IL1RAPL1: variants seen among roughly 807,000 people sequenced by gnomAD.
IL1RAPL1 encodes the protein interleukin 1 receptor accessory protein like 1, also known as interleukin-1 receptor accessory protein-like 1.
IL1RAPL1 carries 3 observed loss-of-function variants against 48.4 expected under a neutral mutation model. The ratio of observed to expected loss-of-function variants is 0.06; its 90% CI spans 0.03 to 0.16. The LOEUF (loss-of-function observed/expected upper bound fraction) is 0.16. Among genes scored for constraint, IL1RAPL1 ranks in the 10% least tolerant of loss-of-function variants. The pLI, the probability that IL1RAPL1 is intolerant of heterozygous loss-of-function variation, is 1.00. For synonymous variants in IL1RAPL1, 185 were observed against 187.7 expected, an observed-to-expected ratio of 0.99 and a Z score of 0.12; for missense variants, 349 against 530.6, an observed-to-expected ratio of 0.66 and a Z score of 3.36.
chrX:29,949,224 T>C (rs1933270006), intron 9 of IL1RAPL1, among the ~76,000 whole-genome samples: 1 of 112,131 alleles, frequency 8.9e-6, no homozygotes, highest in Non-Finnish European at 1.9e-5. Flanking sequence ...GAGTTCTTAA[T>C]ATTTTAAATT....
At chrX:29,039,462 T>C (rs1009932903) in intron 2 of IL1RAPL1, among the ~76,000 whole-genome samples, 4 of 111,801 alleles carry the variant, frequency 3.6e-5, no homozygotes, top group African/African-American at 1.3e-4. Flanking sequence ...TTCTTCTTCC[T>C]GTAAAAACGG....
intron 5 of IL1RAPL1, among the ~76,000 whole-genome samples, chrX:29,595,743 A>G (rs1167936485): frequency 1.8e-5 from 2 of 111,864 alleles, no homozygotes; most frequent in Non-Finnish European, 3.8e-5. Flanking sequence ...ACTTAAATTA[A>G]GTCCCATCTA....
At chrX:29,181,813 A>T (rs898833680) in intron 2 of IL1RAPL1, among the ~76,000 whole-genome samples, 8 of 112,394 alleles carry the variant, frequency 7.1e-5, no homozygotes, top group African/African-American at 2.6e-4. Context: ...AATAAAGCAG[A>T]TGCAACTGAA....
chrX:29,308,995 C>G (rs1363172657), intron 3 of IL1RAPL1, among the ~76,000 whole-genome samples: 1 of 112,312 alleles, frequency 8.9e-6, no homozygotes, highest in Non-Finnish European at 1.9e-5. Context: ...TAAACACCAG[C>G]AAATAGCTCA....
At chrX:29,651,673 G>T (rs757837846) in intron 5 of IL1RAPL1, among the ~76,000 whole-genome samples, 2 of 111,369 alleles carry the variant, frequency 1.8e-5, no homozygotes, top group Non-Finnish European at 3.8e-5. Context: ...ATTATAGTTA[G>T]ATAGAAGGAA....
At chrX:28,966,793 T>A (rs1435274067) in intron 2 of IL1RAPL1, among the ~76,000 whole-genome samples, 1 of 111,917 alleles carries the variant, frequency 8.9e-6, no homozygotes, top group East Asian at 2.8e-4. Context: ...TGATTTGAGG[T>A]CTACTCCTCT....
chrX:28,981,090 C>CAAAAAAAAAAAAA (rs57824632), intron 2 of IL1RAPL1, among the ~76,000 whole-genome samples: 5 of 24,306 alleles, frequency 2.1e-4, no homozygotes, highest in African/African-American at 2.1e-4. Flanking sequence ...GACCCTGTCT[C>CAAAAAAAAAAAAA]AAAAAAAAAA....
chrX:29,736,686 A>G (rs917008998), intron 6 of IL1RAPL1, among the ~76,000 whole-genome samples: 1 of 111,207 alleles, frequency 9.0e-6, no homozygotes, highest in Non-Finnish European at 1.9e-5. Context: ...AGATCGTGCC[A>G]GTGCACTCCA....
chrX:29,064,434 T>C (rs1764229778), intron 2 of IL1RAPL1, among the ~76,000 whole-genome samples: 1 of 111,308 alleles, frequency 9.0e-6, no homozygotes, highest in Admixed American at 9.5e-5. Flanking sequence ...TTCCTGATGC[T>C]CTATTATAAA....
intron 6 of IL1RAPL1, among the ~76,000 whole-genome samples, chrX:29,708,319 G>A (rs1927254647): frequency 9.0e-6 from 1 of 111,350 alleles, no homozygotes; most frequent in African/African-American, 3.3e-5. Context: ...ATTATTAACT[G>A]TGGTCACCGT....
chrX:28,974,482 C>T (rs1035278408), intron 2 of IL1RAPL1, among the ~76,000 whole-genome samples: 9 of 111,625 alleles, frequency 8.1e-5, no homozygotes, highest in Non-Finnish European at 1.3e-4. Context: ...AATTGAACTC[C>T]GAGTTTTGGC....
At chrX:29,851,201 G>T (rs1931360843) in intron 6 of IL1RAPL1, among the ~76,000 whole-genome samples, 2 of 111,428 alleles carry the variant, frequency 1.8e-5, no homozygotes, top group South Asian at 7.5e-4. Context: ...TATCTCTCTG[G>T]TTGTATTTTT....
chrX:29,898,461 G>A (rs193269341), intron 6 of IL1RAPL1, among the ~76,000 whole-genome samples: 195 of 111,978 alleles, frequency 1.7e-3, no homozygotes, highest in African/African-American at 6.0e-3. Context: ...TTAGCACCAA[G>A]GAGTTAACGA....
chrX:28,716,674 A>G (rs1427595511), intron 1 of IL1RAPL1, among the ~76,000 whole-genome samples: 1 of 112,033 alleles, frequency 8.9e-6, no homozygotes, highest in East Asian at 2.8e-4. Flanking sequence ...AAATTGACAA[A>G]TGGGATCCAA....
At chrX:29,439,598 A>G (rs1310950344) in intron 5 of IL1RAPL1, among the ~76,000 whole-genome samples, 2 of 111,286 alleles carry the variant, frequency 1.8e-5, no homozygotes, top group East Asian at 5.6e-4. Context: ...AGGACTTTCT[A>G]CTCTACACAG....
At chrX:29,283,319 A>G (rs1932231896) in intron 3 of IL1RAPL1, 102 bp downstream of exon 3, 1 of 812,949 alleles carries the variant, frequency 1.2e-6, no homozygotes, top group Non-Finnish European at 1.8e-6. Context: ...CGTTGTCTCA[A>G]TATTTGCATG....
At chrX:29,077,773 AG>A (rs757610689) in intron 2 of IL1RAPL1, among the ~76,000 whole-genome samples, 1 of 111,064 alleles carries the variant, frequency 9.0e-6, no homozygotes, top group South Asian at 3.8e-4. Context: ...CGGCAAATCT[AG>A]GGGGGAATAC....
chrX:29,522,009 C>A (rs1265019303), intron 5 of IL1RAPL1, among the ~76,000 whole-genome samples: 1 of 111,798 alleles, frequency 8.9e-6, no homozygotes, highest in Non-Finnish European at 1.9e-5. Flanking sequence ...GCCAAGCTGA[C>A]AGATTGCTAA....
chrX:28,828,320 A>G (rs1050997029), intron 2 of IL1RAPL1, among the ~76,000 whole-genome samples: 1 of 112,115 alleles, frequency 8.9e-6, no homozygotes. Context: ...ATTTTAAAAT[A>G]TAACACGTTT....
Sources: gnomAD v4.1 joint callset for allele counts (sites outside exome capture counted in the v4.1 genomes callset) on GRCh38, gnomAD v4.1.1 for gene constraint, MANE v1.5 for transcripts, NCBI Gene and HGNC (gene_info 2026-07-23, HGNC 2026-07-21) for gene names.